The following HS3ST2 variants were observed in gnomAD, a reference collection of about 807,000 sequenced individuals.
HS3ST2 encodes heparan sulfate-glucosamine 3-sulfotransferase 2, also known as heparan sulfate glucosamine 3-O-sulfotransferase 2.
A neutral mutation model predicts 26.3 loss-of-function variants in HS3ST2; 17 were observed. The observed-to-expected ratio is 0.65, with a 90% confidence interval of 0.44 to 0.97. The LOEUF (loss-of-function observed/expected upper bound fraction) is 0.97, where lower values mean the gene tolerates loss of function less well. Among genes scored for constraint, HS3ST2 ranks in the 50% least tolerant of loss-of-function variants. HS3ST2 has a pLI of 0.00. For synonymous variants in HS3ST2, 237 were observed against 219.2 expected, an observed-to-expected ratio of 1.08 and a Z score of -0.72; for missense variants, 402 against 501.2, an observed-to-expected ratio of 0.80 and a Z score of 1.89.
chr16:22,816,144 G>A (rs1900864390), intron 1 of HS3ST2, among the ~76,000 whole-genome samples: 1 of 152,200 alleles, frequency 6.6e-6, no homozygotes, highest in Admixed American at 6.5e-5. Flanking sequence ...CCCACATGTG[G>A]GTGGTGTAAT....
At chr16:22,827,652 T>C (rs1205616664) in intron 1 of HS3ST2, among the ~76,000 whole-genome samples, 1 of 151,814 alleles carries the variant, frequency 6.6e-6, no homozygotes, top group African/African-American at 2.4e-5. Context: ...CTGAGGTTGA[T>C]GATGGTAGCA....
intron 1 of HS3ST2, among the ~76,000 whole-genome samples, chr16:22,834,758 T>A (rs144509485): frequency 6.7e-5 from 10 of 149,674 alleles, no homozygotes; most frequent in African/African-American, 2.2e-4. Flanking sequence ...TATACTTCCC[T>A]AGCACAGTCT....
chr16:22,855,708 C>G (rs1596615684), intron 1 of HS3ST2, among the ~76,000 whole-genome samples: 1 of 151,604 alleles, frequency 6.6e-6, no homozygotes, highest in Non-Finnish European at 1.5e-5. Context: ...CTCTCTCTCT[C>G]TCTCTCTCTC....
At chr16:22,850,159 G>A (rs1440871634) in intron 1 of HS3ST2, among the ~76,000 whole-genome samples, 1 of 152,082 alleles carries the variant, frequency 6.6e-6, no homozygotes, top group Non-Finnish European at 1.5e-5. Context: ...AATACAATGG[G>A]TAACCCTTAA....
intron 1 of HS3ST2, among the ~76,000 whole-genome samples, chr16:22,853,206 C>A (rs1424836436): frequency 6.6e-6 from 1 of 152,056 alleles, no homozygotes; most frequent in African/African-American, 2.4e-5. Flanking sequence ...ACAGTCGCTA[C>A]CCCCACAAAT....
intron 1 of HS3ST2, among the ~76,000 whole-genome samples, chr16:22,832,109 A>G (rs1194487102): frequency 1.3e-5 from 2 of 149,196 alleles, no homozygotes; most frequent in Non-Finnish European, 3.0e-5. Context: ...CAGCTTCCCG[A>G]GTAGCTGGGA....
At chr16:22,844,640 G>A (rs890553271) in intron 1 of HS3ST2, among the ~76,000 whole-genome samples, 4 of 152,152 alleles carry the variant, frequency 2.6e-5, no homozygotes, top group Admixed American at 2.0e-4. Context: ...TCGTGATGGT[G>A]AGTGAGTTCT....
chr16:22,886,596 C>T (rs1212852806), intron 1 of HS3ST2, among the ~76,000 whole-genome samples: 2 of 152,152 alleles, frequency 1.3e-5, no homozygotes, highest in East Asian at 1.9e-4. Context: ...CTCTAAGTAG[C>T]GGGCCTGACA....
intron 1 of HS3ST2, among the ~76,000 whole-genome samples, chr16:22,857,195 G>A (rs1281283433): frequency 2.6e-5 from 4 of 152,168 alleles, no homozygotes; most frequent in Non-Finnish European, 5.9e-5. Context: ...TCCTGGTGCT[G>A]AGTATAGTGA....
At position 22,915,787 on chromosome 16, in the gene HS3ST2, C is replaced by A; in HGVS notation, c.*225C>A. On this transcript the variant is annotated 3_prime_UTR_variant, in exon 2 of 2. Transcript: ENST00000261374. ...TCAAGCAAAGTTGATCTGCTCCTGG[C>A]ACGTCCAGTAAATTCCAGAATCATT... 1.8e-6 allele frequency: 1 copy of A among 555,274 alleles called. No homozygotes were observed. Among genetic ancestry groups the A allele is most frequent in the Non-Finnish European group, 3.2e-6 (1 of 314,554 alleles). The allele number at this position is 555,274 out of a possible 1,614,324, so 34.4% of individuals were successfully genotyped here.
At chr16:22,910,889 A>G (rs994283520) in intron 1 of HS3ST2, among the ~76,000 whole-genome samples, 2 of 152,328 alleles carry the variant, frequency 1.3e-5, no homozygotes, top group Non-Finnish European at 1.5e-5. Context: ...ATGGTTGCAC[A>G]TAAGGATTAG....
intron 1 of HS3ST2, among the ~76,000 whole-genome samples, chr16:22,897,301 T>C (rs1212596016): frequency 6.6e-6 from 1 of 152,220 alleles, no homozygotes; most frequent in Non-Finnish European, 1.5e-5. Flanking sequence ...CAGCAAGTAC[T>C]ACATCTATGT....
At chr16:22,903,011 A>G (rs2141205120) in intron 1 of HS3ST2, among the ~76,000 whole-genome samples, 1 of 151,894 alleles carries the variant, frequency 6.6e-6, no homozygotes, top group East Asian at 1.9e-4. Context: ...CCAATTAGTC[A>G]TTTTCCTTTT....
At chr16:22,873,458 G>A (rs1307710848) in intron 1 of HS3ST2, among the ~76,000 whole-genome samples, 2 of 152,196 alleles carry the variant, frequency 1.3e-5, no homozygotes, top group Non-Finnish European at 2.9e-5. Flanking sequence ...AACCTGTCGG[G>A]TAACAGATAA....
At chr16:22,855,330 T>C (rs1901574314) in intron 1 of HS3ST2, among the ~76,000 whole-genome samples, 1 of 152,134 alleles carries the variant, frequency 6.6e-6, no homozygotes, top group Non-Finnish European at 1.5e-5. Context: ...TTGAGCATCC[T>C]TGGGGACACA....
In HS3ST2 at chr16:22,893,248, A is replaced by C. The variant is rs570476051; in HGVS notation, c.486-21696A>C. Among the ~76,000 whole-genome samples the C allele has an allele frequency of 1.3e-4, 20 of 152,322 alleles. No homozygotes were observed. In the South Asian group the frequency reaches 4.1e-3, roughly 32 times the overall value. On this transcript the variant is annotated intron_variant, in intron 1 of 1. Transcript: ENST00000261374. ...TAATAAGGTTAAAATAAGGCTATAA[A>C]GTTAATAGTAATAGCTCCTTGATGA...
At chr16:22,892,084 C>T (rs2141201097) in intron 1 of HS3ST2, among the ~76,000 whole-genome samples, 1 of 146,398 alleles carries the variant, frequency 6.8e-6, no homozygotes, top group Admixed American at 6.9e-5. Flanking sequence ...ATCATCCTGG[C>T]CAACACGGTG....
intron 1 of HS3ST2, among the ~76,000 whole-genome samples, chr16:22,840,934 AG>A (rs1295437169): frequency 6.6e-6 from 1 of 151,612 alleles, no homozygotes; most frequent in Admixed American, 6.6e-5. Flanking sequence ...ATTTAACATT[AG>A]GTATATCTCC....
intron 1 of HS3ST2, among the ~76,000 whole-genome samples, chr16:22,907,427 A>G (rs208630): frequency 0.47 from 72,039 of 152,046 alleles, 17,852 homozygotes; most frequent in Admixed American, 0.56. Flanking sequence ...GGAAAAAACA[A>G]TAGGAGCATG....
Sources: gnomAD v4.1 joint callset for allele counts (sites outside exome capture counted in the v4.1 genomes callset) on GRCh38, gnomAD v4.1.1 for gene constraint, MANE v1.5 for transcripts, NCBI Gene and HGNC (gene_info 2026-07-23, HGNC 2026-07-21) for gene names.